PTPRN2: variants seen among roughly 807,000 people sequenced by gnomAD.
PTPRN2 encodes the protein receptor-type tyrosine-protein phosphatase N2.
In PTPRN2, 74 loss-of-function variants were observed where a neutral mutation model predicts 118.8. That is an observed-to-expected ratio of 0.62 (90% CI 0.52 to 0.76). The LOEUF is 0.76. PTPRN2 is among the 30% of genes least tolerant of loss of function. The pLI is 0.00. For synonymous variants in PTPRN2, 641 were observed against 608.0 expected (o/e 1.05, Z -0.80); for missense variants, 1,481 against 1,394.4 (o/e 1.06, Z -0.99).
At position 158,509,355 on chromosome 7, in the gene PTPRN2, C is replaced by A. The variant is rs1823014426; in HGVS notation, c.113-19570G>T. Among the ~76,000 whole-genome samples the A allele has an allele frequency of 6.6e-6, 1 of 152,220 alleles. No homozygotes were observed. Among genetic ancestry groups the A allele is most frequent in the African/African-American group, 2.4e-5 (1 of 41,450 alleles). ...ATCGGGGCTGGAGCCGGAGACCCCT[C>A]CACCCTGCAGTCAGGGCCAGCGGGG... On this transcript the variant is annotated intron_variant, in intron 1 of 22. Coordinates refer to ENST00000389418, the MANE Select transcript of PTPRN2 (RefSeq NM_002847.5). The surrounding 1 kb of genome is among the most constrained non-coding windows in gnomAD (Gnocchi z 4.4).
intron 3 of PTPRN2, among the ~76,000 whole-genome samples, chr7:158,272,169 G>C (rs577922286): frequency 6.4e-4 from 98 of 152,258 alleles, no homozygotes; most frequent in African/African-American, 2.1e-3. Context: ...GGCAGAGGAG[G>C]GTCTAGAGTG....
chr7:158,199,882 C>T (rs1826497911), intron 4 of PTPRN2, among the ~76,000 whole-genome samples: 1 of 152,166 alleles, frequency 6.6e-6, no homozygotes, highest in Non-Finnish European at 1.5e-5. Context: ...AACACGGTTC[C>T]TTATCATGCA....
At chr7:158,020,499 G>A (rs1806791826) in intron 11 of PTPRN2, among the ~76,000 whole-genome samples, 1 of 152,220 alleles carries the variant, frequency 6.6e-6, no homozygotes, top group Admixed American at 6.5e-5. Context: ...GGTTTGGCCT[G>A]CATCCTACGT....
intron 11 of PTPRN2, among the ~76,000 whole-genome samples, chr7:157,900,125 G>A (rs965091165): frequency 3.0e-4 from 45 of 152,290 alleles, no homozygotes; most frequent in African/African-American, 1.1e-3. Flanking sequence ...GAATGAAAAC[G>A]GCAGCCCCAG....
rs188770585 is a variant in PTPRN2 at position 158,489,866 on chromosome 7, G to T, written c.113-81C>A. ...CCGAGGCTGCCTTCCTGGCCCCCTGGTGAATTTCAGAGAAACCGCCGGTCA... is the reference window on the plus strand; with the variant it reads ...CCGAGGCTGCCTTCCTGGCCCCCTGTTGAATTTCAGAGAAACCGCCGGTCA... On this transcript the variant is annotated intron_variant, in intron 1 of 22. Transcript: ENST00000389418. 2,548 of 1,328,254 alleles carry T rather than the reference G, an allele frequency of 1.9e-3. 50 individuals are homozygous for T. The African/African-American group carries it at 0.035, about 18-fold the overall frequency. The allele number at this position is 1,328,254 out of a possible 1,614,324, so 82.3% of individuals were successfully genotyped here. A position where few individuals can be genotyped will look rare whatever the true frequency, so the allele number is the denominator to read the frequency against.
chr7:157,654,179 T>A (rs1256578405), intron 14 of PTPRN2, among the ~76,000 whole-genome samples: 1 of 18,750 alleles, frequency 5.3e-5, no homozygotes, highest in Non-Finnish European at 9.3e-5. Context: ...GATGCCCACC[T>A]CTCCCCACAC....
At chr7:158,114,052 C>A (rs1055594598) in intron 9 of PTPRN2, among the ~76,000 whole-genome samples, 1 of 152,228 alleles carries the variant, frequency 6.6e-6, no homozygotes, top group Non-Finnish European at 1.5e-5. Flanking sequence ...GAGCCCAGGA[C>A]AGTGTATTTA....
intron 1 of PTPRN2, among the ~76,000 whole-genome samples, chr7:158,576,529 C>G (rs997796053): frequency 6.6e-6 from 1 of 152,218 alleles, no homozygotes; most frequent in South Asian, 2.1e-4. Flanking sequence ...CTGCCTGCCT[C>G]TCCCGCAGAG....
rs1352750353 is a variant in PTPRN2 at position 157,611,524 on chromosome 7, C to T, written c.2345-7449G>A. Among the ~76,000 whole-genome samples the T allele has an allele frequency of 6.6e-6, 1 of 152,120 alleles. No homozygotes were observed. The highest frequency in any genetic ancestry group is 1.9e-4 in the East Asian group (1 of 5,184). ...CAGGTCCCAGGGTTGAGCTGCGTACCCTCCCCCAAAAAGACACACTGGAGT... is the reference window on the plus strand; with the variant it reads ...CAGGTCCCAGGGTTGAGCTGCGTACTCTCCCCCAAAAAGACACACTGGAGT... On this transcript the variant is annotated intron_variant, in intron 15 of 22. Coordinates refer to ENST00000389418, the MANE Select transcript of PTPRN2 (RefSeq NM_002847.5). This position sits in a 1 kb window ranked among gnomAD's most constrained non-coding sequence, Gnocchi z 5.9.
chr7:158,079,721 T>A (rs1315799233), intron 11 of PTPRN2, among the ~76,000 whole-genome samples: 1 of 152,194 alleles, frequency 6.6e-6, no homozygotes, highest in Non-Finnish European at 1.5e-5. Context: ...GCGAAACAGA[T>A]GCCATGGAGG....
chr7:157,781,251 T>G (rs988613830), intron 12 of PTPRN2, among the ~76,000 whole-genome samples: 1 of 152,256 alleles, frequency 6.6e-6, no homozygotes, highest in South Asian at 2.1e-4. Flanking sequence ...CATGGGCTAG[T>G]GTTATTATCA....
At chr7:158,203,281 A>AAGGAAGGAAGGG (rs1361648241) in intron 4 of PTPRN2, among the ~76,000 whole-genome samples, 2 of 150,822 alleles carry the variant, frequency 1.3e-5, no homozygotes, top group African/African-American at 2.4e-5. Flanking sequence ...AAGAAAAAGG[A>AAGGAAGGAAGGG]AGGAAGGAAG....
chr7:158,214,797 C>G (rs1276385906), intron 3 of PTPRN2, among the ~76,000 whole-genome samples: 3 of 152,100 alleles, frequency 2.0e-5, no homozygotes, highest in Non-Finnish European at 4.4e-5. Flanking sequence ...CAGGTATCAA[C>G]AGAGGCCTCC....
chr7:158,463,555 TC>T (rs528941594), intron 2 of PTPRN2, among the ~76,000 whole-genome samples: 1 of 151,962 alleles, frequency 6.6e-6, no homozygotes, highest in African/African-American at 2.4e-5. Context: ...GTTATCACCA[TC>T]CTCATTGTCA....
rs542464007 is a variant in PTPRN2, at chr7:157,564,792, G to A, written c.2902+4110C>T. 7.9e-5 allele frequency among the ~76,000 whole-genome samples: 12 copies of A among 152,338 alleles called. No individual in the cohort carries two copies. In the East Asian group the frequency reaches 1.2e-3, roughly 15 times the overall value. ...AACAGCCAAGAGATAAGAGAATTACGGTCGATGTGGCGATTCCGCCCCAGG... is the reference window on the plus strand; with the variant it reads ...AACAGCCAAGAGATAAGAGAATTACAGTCGATGTGGCGATTCCGCCCCAGG... On this transcript the variant is annotated intron_variant, in intron 21 of 22. Transcript: ENST00000389418.
At position 157,929,415 on chromosome 7, in the gene PTPRN2, T is replaced by C. The variant is rs1213815821; in HGVS notation, c.1724-30678A>G. Among the ~76,000 whole-genome samples, 3 of 152,100 alleles carry C rather than the reference T, an allele frequency of 2.0e-5. No individual in the cohort carries two copies. The highest frequency in any genetic ancestry group is 1.5e-5 in the Non-Finnish European group (1 of 68,026). On this transcript the variant is annotated intron_variant, in intron 11 of 22. Coordinates refer to ENST00000389418, the MANE Select transcript of PTPRN2 (RefSeq NM_002847.5). The surrounding 1 kb of genome is among the most constrained non-coding windows in gnomAD (Gnocchi z 4.4). ...GACCCTGGCGCGACTCCTGAGGGCTTCAGTCCTCGGTTTGTTCCTTTTAGG... is the reference window on the plus strand; with the variant it reads ...GACCCTGGCGCGACTCCTGAGGGCTCCAGTCCTCGGTTTGTTCCTTTTAGG...
intron 3 of PTPRN2, among the ~76,000 whole-genome samples, chr7:158,211,285 C>T (rs953886568): frequency 2.0e-5 from 3 of 152,098 alleles, no homozygotes; most frequent in African/African-American, 7.2e-5. Context: ...TAGTAATACC[C>T]CATGAGCACA....
At chr7:158,209,730 G>A (rs1827440789) in intron 3 of PTPRN2, among the ~76,000 whole-genome samples, 2 of 152,250 alleles carry the variant, frequency 1.3e-5, no homozygotes, top group Non-Finnish European at 2.9e-5. Flanking sequence ...TCATTCAATG[G>A]CTATGAAATC....
Position 158,117,492 on chromosome 7 carries a change from G to C in PTPRN2, c.1557-6577C>G, listed in dbSNP as rs1445935193. On this transcript the variant is annotated intron_variant, in intron 9 of 22. Transcript: ENST00000389418. Reference sequence around the variant, plus strand: ...GCCCAAAAGAAAAAAAAGAGATAAAGGGGCAGAGAAAATACTTGAAGAACA... The same window carrying C: ...GCCCAAAAGAAAAAAAAGAGATAAACGGGCAGAGAAAATACTTGAAGAACA... Among the ~76,000 whole-genome samples the C allele has an allele frequency of 6.6e-5, 10 of 152,270 alleles. No homozygotes were observed. The South Asian group carries it at 2.1e-3, about 32-fold the overall frequency.
Sources: gnomAD v4.1 joint callset for allele counts (sites outside exome capture counted in the v4.1 genomes callset) on GRCh38, gnomAD v4.1.1 for gene constraint, Gnocchi (gnomAD v3.1) non-coding constraint, MANE v1.5 for transcripts, NCBI Gene and HGNC (gene_info 2026-07-23, HGNC 2026-07-21) for gene names.